Variants in PCDHGA6 observed in about 807,000 individuals in gnomAD.
PCDHGA6 encodes protocadherin gamma-A6.
In PCDHGA6, 41 loss-of-function variants were observed where a neutral mutation model predicts 60.6. That is an observed-to-expected ratio of 0.68 (90% CI 0.53 to 0.88). The LOEUF (loss-of-function observed/expected upper bound fraction) is 0.88, where lower values mean the gene tolerates loss of function less well. PCDHGA6 is among the 40% of genes least tolerant of loss of function. The pLI, the probability that PCDHGA6 is intolerant of heterozygous loss-of-function variation, is 0.00. For synonymous variants in PCDHGA6, 594 were observed against 524.4 expected (o/e 1.13, Z -1.81); for missense variants, 1,312 against 1,203.0 (o/e 1.09, Z -1.34).
At position 141,485,576 on chromosome 5, in the gene PCDHGA6, C is replaced by A; in HGVS notation, c.2425-9231C>A. 1 of 1,612,412 alleles carries A rather than the reference C, an allele frequency of 6.2e-7. No individual in the cohort carries two copies. The highest frequency in any genetic ancestry group is 8.5e-7 in the Non-Finnish European group (1 of 1,178,628). On this transcript the variant is annotated intron_variant, in intron 1 of 3. Transcript: ENST00000517434. The surrounding 1 kb of genome is among the most constrained non-coding windows in gnomAD (Gnocchi z 5.7). ...GAATGATCACGCCCCCCGTTTTCCGCGGCAGCAGCTGGACTTGGAAATTGG... is the reference window on the plus strand; with the variant it reads ...GAATGATCACGCCCCCCGTTTTCCGAGGCAGCAGCTGGACTTGGAAATTGG...
chr5:141,454,407 T>TTTTA (rs1029547484), intron 1 of PCDHGA6, among the ~76,000 whole-genome samples: 21 of 152,236 alleles, frequency 1.4e-4, no homozygotes, highest in Admixed American at 1.2e-3. Flanking sequence ...GCTTATTCCT[T>TTTTA]TTTATTTATT....
chr5:141,506,017 C>G (rs2099850061), intron 3 of PCDHGA6, among the ~76,000 whole-genome samples: 1 of 152,176 alleles, frequency 6.6e-6, no homozygotes, highest in Non-Finnish European at 1.5e-5. Flanking sequence ...TTTGCTGCCC[C>G]TAACTCCAGA....
chr5:141,431,932 CT>C lies in PCDHGA6; in HGVS notation c.2424+55428del, dbSNP rs748715936. ...TCTGTTTCATCCAAGGAAATCTGCC[CT>C]TTAAATTAGAAAAATCTTACGGAAA... On this transcript the variant is annotated intron_variant, in intron 1 of 3. Transcript: ENST00000517434. The surrounding 1 kb of genome is among the most constrained non-coding windows in gnomAD (Gnocchi z 4.8). The C allele has an allele frequency of 6.2e-7, 1 of 1,614,172 alleles. No individual in the cohort carries two copies. Among genetic ancestry groups the C allele is most frequent in the Non-Finnish European group, 8.5e-7 (1 of 1,180,002 alleles).
intron 1 of PCDHGA6, chr5:141,398,072 G>T: frequency 1.9e-6 from 3 of 1,588,646 alleles, no homozygotes; most frequent in Non-Finnish European, 2.6e-6. Context: ...CAATACAGAG[G>T]TTATTTGTAA....
intron 1 of PCDHGA6, chr5:141,419,541 G>A: frequency 6.2e-7 from 1 of 1,612,076 alleles, no homozygotes; most frequent in Non-Finnish European, 8.5e-7. Context: ...AACGCACCGC[G>A]GGTGCTGTAC....
chr5:141,488,552 A>C (rs993681273), intron 1 of PCDHGA6, among the ~76,000 whole-genome samples: 1 of 152,194 alleles, frequency 6.6e-6, no homozygotes, highest in African/African-American at 2.4e-5. Context: ...GTCAGCTGAC[A>C]TTGAGATTTC....
At position 141,376,627 on chromosome 5, in the gene PCDHGA6, A is replaced by G. The variant is rs183524096; in HGVS notation, c.2424+120A>G. On this transcript the variant is annotated intron_variant, in intron 1 of 3. Transcript: ENST00000517434. ...AGCGAACCTCTTTTGGTACAGGAAG[A>G]TTCGTGATTTTGTAAAGTGGAAGAC... 863 of 1,127,968 alleles carry G rather than the reference A, an allele frequency of 7.7e-4. 3 individuals carry two copies. Among genetic ancestry groups the G allele is most frequent in the Middle Eastern group, 3.8e-3 (17 of 4,452 alleles). The allele number at this position is 1,127,968 out of a possible 1,614,324, so 69.9% of individuals were successfully genotyped here. A position where few individuals can be genotyped will look rare whatever the true frequency, so the allele number is the denominator to read the frequency against.
Position 141,432,830 on chromosome 5 carries a change from C to G in PCDHGA6, c.2424+56323C>G, listed in dbSNP as rs780093171. On this transcript the variant is annotated intron_variant, in intron 1 of 3. Coordinates refer to ENST00000517434, the MANE Select transcript of PCDHGA6 (RefSeq NM_018919.3). The surrounding 1 kb of genome is among the most constrained non-coding windows in gnomAD (Gnocchi z 6.0). ...TAACTCTGAAACCTCAGACCTCACT[C>G]TGTACCTGGTGGTAGCGGTGGCCGC... 4 of 1,614,208 alleles carry G rather than the reference C, an allele frequency of 2.5e-6. No individual in the cohort carries two copies. The highest frequency in any genetic ancestry group is 2.2e-5 in the East Asian group (1 of 44,874).
chr5:141,422,940 C>G, intron 1 of PCDHGA6: 3 of 1,614,242 alleles, frequency 1.9e-6, no homozygotes, highest in Non-Finnish European at 1.7e-6. Context: ...TCCCCACAGA[C>G]GGCTCCACTG....
At chr5:141,467,495 C>T (rs1161557245) in intron 1 of PCDHGA6, among the ~76,000 whole-genome samples, 1 of 152,140 alleles carries the variant, frequency 6.6e-6, no homozygotes, top group Non-Finnish European at 1.5e-5. Context: ...ATTTAGATCC[C>T]TGATCTAATT....
intron 1 of PCDHGA6, chr5:141,421,770 G>A: frequency 6.2e-7 from 1 of 1,613,856 alleles, no homozygotes; most frequent in Non-Finnish European, 8.5e-7. Context: ...ACTTTTCCTT[G>A]CAACTGCGGG....
chr5:141,423,438 C>T lies in PCDHGA6; in HGVS notation c.2424+46931C>T, dbSNP rs2096741369. 5 of 1,613,942 alleles carry T rather than the reference C, an allele frequency of 3.1e-6. No homozygotes were observed. In the East Asian group the frequency reaches 8.9e-5, roughly 29 times the overall value. On this transcript the variant is annotated intron_variant, in intron 1 of 3. Transcript: ENST00000517434. Reference sequence around the variant, plus strand: ...CTGAAGGCGGGTTGGCAGGTATGCCCACGTCACATTTTGTAGGCGTGGACG... The same window carrying T: ...CTGAAGGCGGGTTGGCAGGTATGCCTACGTCACATTTTGTAGGCGTGGACG...
rs781173890 is a variant in PCDHGA6, at chr5:141,476,165, G to T, written c.2425-18642G>T. 5.3e-5 allele frequency: 86 copies of T among 1,613,106 alleles called. No individual in the cohort carries two copies. Among genetic ancestry groups the T allele is most frequent in the Non-Finnish European group, 7.2e-5 (85 of 1,179,976 alleles). On this transcript the variant is annotated intron_variant, in intron 1 of 3. Transcript: ENST00000517434. The surrounding 1 kb of genome is among the most constrained non-coding windows in gnomAD (Gnocchi z 7.6). ...CGGACTGGTAAGCACCGGGAGGGTA[G>T]TGGGAGTTTTGCTTCTGCTTGGTGC...
chr5:141,375,677 G>A lies in PCDHGA6; in HGVS notation c.1594G>A (p.Val532Met), dbSNP rs1171088976. The part of the protein sequence containing the change: ...YEQLRDLQLW[V>M]TASDSGDPPL... ...GCAGTTGAGAGACCTACAGCTGTGG[G>A]TGACAGCCAGCGACAGCGGGGACCC... Residue 532 changes from valine (V) to methionine (M), a missense_variant, in exon 1 of 4, where the codon GTG (valine) becomes ATG (methionine). Coordinates refer to ENST00000517434, the MANE Select transcript of PCDHGA6 (RefSeq NM_018919.3). 2 of 1,614,236 alleles carry A rather than the reference G, an allele frequency of 1.2e-6. No homozygotes were observed. Among genetic ancestry groups the A allele is most frequent in the South Asian group, 1.1e-5 (1 of 91,088 alleles).
At chr5:141,509,481 A>G (rs2099877035) in intron 3 of PCDHGA6, among the ~76,000 whole-genome samples, 1 of 152,010 alleles carries the variant, frequency 6.6e-6, no homozygotes, top group Admixed American at 6.6e-5. Flanking sequence ...TGAGGGGTAG[A>G]GGTGATGGCA....
At chr5:141,440,275 T>C (rs913705052) in intron 1 of PCDHGA6, 14 of 152,120 alleles carry the variant, frequency 9.2e-5, no homozygotes, top group African/African-American at 3.1e-4. Flanking sequence ...GAGACCAGCC[T>C]GACCAACATA....
chr5:141,374,686 C>A lies in PCDHGA6; in HGVS notation c.603C>A (p.Asp201Glu), dbSNP rs765389244. 1 of 1,609,760 alleles carries A rather than the reference C, an allele frequency of 6.2e-7. No individual in the cohort carries two copies. The highest frequency in any genetic ancestry group is 1.1e-5 in the South Asian group (1 of 90,584). The change falls in exon 1 of 4, where the codon GAC becomes GAA. Residue 201 changes from aspartate (D) to glutamate (E), a missense_variant. Physicochemically the swap from Asp to Glu is conservative, Grantham distance 45. Transcript: ENST00000517434. The part of the protein sequence containing the change: ...YPELVLEGTL[D>E]REGEAVYRLV... ...AGCTGGTGCTGGAGGGCACACTGGA[C>A]CGGGAAGGAGAAGCCGTTTACCGCC... is the stretch of plus-strand genomic sequence containing the variant.
At chr5:141,429,378 T>TTTG (rs2097208019) in intron 1 of PCDHGA6, among the ~76,000 whole-genome samples, 1 of 105,336 alleles carries the variant, frequency 9.5e-6, no homozygotes, top group African/African-American at 5.2e-5. Flanking sequence ...AGAAAATGTG[T>TTTG]TTTTTTTTTA....
At chr5:141,504,545 TGTTGGGGG>T in intron 2 of PCDHGA6, among the ~76,000 whole-genome samples, 1 of 151,524 alleles carries the variant, frequency 6.6e-6, no homozygotes, top group South Asian at 2.1e-4. Flanking sequence ...TCATGGCAAA[TGTTGGGGG>T]ACTGGCATTC....
Sources: gnomAD v4.1 joint callset for allele counts (sites outside exome capture counted in the v4.1 genomes callset) on GRCh38, gnomAD v4.1.1 for gene constraint, Gnocchi (gnomAD v3.1) non-coding constraint, MANE v1.5 for transcripts, NCBI Gene and HGNC (gene_info 2026-07-23, HGNC 2026-07-21) for gene names.